Variants in COL5A2 observed in about 807,000 individuals in gnomAD.
COL5A2 encodes the protein collagen type V alpha 2 chain, also known as collagen alpha-2(V) chain.
A neutral mutation model predicts 208.2 loss-of-function variants in COL5A2; 23 were observed. The observed-to-expected ratio is 0.11, with a 90% CI of 0.08 to 0.16. The LOEUF (loss-of-function observed/expected upper bound fraction) is 0.16, where lower values mean the gene tolerates loss of function less well. COL5A2 is among the 10% of genes least tolerant of loss of function. The pLI is 1.00. For synonymous variants in COL5A2, 625 were observed against 628.5 expected, an observed-to-expected ratio of 0.99 and a Z score of 0.08; for missense variants, 1,590 against 1,956.4, an observed-to-expected ratio of 0.81 and a Z score of 3.53.
the COL5A2 span, among the ~76,000 whole-genome samples, chr2:189,264,849 T>C: frequency 6.6e-6 from 1 of 152,148 alleles, no homozygotes; most frequent in Non-Finnish European, 1.5e-5. Flanking sequence ...AAATATTGCC[T>C]AAAGAGAAAT....
the COL5A2 span, among the ~76,000 whole-genome samples, chr2:189,298,601 C>T: frequency 6.6e-6 from 1 of 152,170 alleles, no homozygotes; most frequent in East Asian, 1.9e-4. Flanking sequence ...TTATTGTATT[C>T]TCATTCATTG....
chr2:189,054,355 T>A (rs1009584189), intron 35 of COL5A2, 143 bp from the exon 36 acceptor site: 1 of 647,084 alleles, frequency 1.5e-6, no homozygotes, highest in African/African-American at 1.8e-5. Flanking sequence ...ATAAATGATA[T>A]AATCTATATA....
At chr2:189,098,648 C>T in intron 5 of COL5A2, 79 bp downstream of exon 5, 1 of 1,107,880 alleles carries the variant, frequency 9.0e-7, no homozygotes, top group Non-Finnish European at 1.4e-6. Context: ...TTTATCTTCT[C>T]ATGGATATAA....
chr2:189,057,219 C>A (rs1685917499), intron 34 of COL5A2, 101 bp downstream of exon 34: 1 of 1,019,894 alleles, frequency 9.8e-7, no homozygotes, highest in South Asian at 1.4e-5. Context: ...ACTAGTGACT[C>A]AGGATGGTAG....
chr2:189,441,060 C>G, the COL5A2 span, among the ~76,000 whole-genome samples: 91,233 of 151,946 alleles, frequency 0.6, 29,246 homozygotes, highest in Non-Finnish European at 0.71. Context: ...ACCGAGAAAA[C>G]CAGGGACGCG....
At chr2:189,334,293 G>A in the COL5A2 span, among the ~76,000 whole-genome samples, 1 of 151,754 alleles carries the variant, frequency 6.6e-6, no homozygotes, top group African/African-American at 2.4e-5. Context: ...CCAAAATATT[G>A]GAAAGAAAGT....
chr2:189,318,316 C>T, the COL5A2 span, among the ~76,000 whole-genome samples: 2 of 152,188 alleles, frequency 1.3e-5, no homozygotes, highest in Admixed American at 1.3e-4. Context: ...GTAGTGTCAA[C>T]CTATATAATG....
intron 1 of COL5A2, among the ~76,000 whole-genome samples, chr2:189,222,603 C>T (rs779706997): frequency 9.9e-5 from 15 of 152,030 alleles, no homozygotes; most frequent in East Asian, 1.9e-4. Flanking sequence ...CAGAAATGAC[C>T]GGGTAATTTC....
At chr2:189,148,009 T>C (rs1436076198) in intron 1 of COL5A2, among the ~76,000 whole-genome samples, 1 of 152,158 alleles carries the variant, frequency 6.6e-6, no homozygotes. Context: ...TCAATGATTA[T>C]CATTAAAAAG....
chr2:189,366,419 T>C, the COL5A2 span, among the ~76,000 whole-genome samples: 9 of 152,192 alleles, frequency 5.9e-5, no homozygotes, highest in Admixed American at 1.3e-4. Flanking sequence ...AAAGGTACCA[T>C]TGACATCTGG....
chr2:189,194,983 G>T (rs1688981593), intron 1 of COL5A2, among the ~76,000 whole-genome samples: 1 of 152,156 alleles, frequency 6.6e-6, no homozygotes, highest in Admixed American at 6.5e-5. Flanking sequence ...AATCAGGCAA[G>T]AAAATGAAGT....
the COL5A2 span, among the ~76,000 whole-genome samples, chr2:189,357,582 T>A: frequency 7.2e-5 from 11 of 152,064 alleles, no homozygotes; most frequent in African/African-American, 2.7e-4. Context: ...AGCTCAAGTG[T>A]TCCAGGTCAA....
At chr2:189,164,893 A>G (rs1259648729) in intron 1 of COL5A2, among the ~76,000 whole-genome samples, 3 of 152,230 alleles carry the variant, frequency 2.0e-5, no homozygotes, top group Non-Finnish European at 4.4e-5. Flanking sequence ...TCTGGACTCT[A>G]TCCACGTTGA....
At chr2:189,125,730 T>C (rs534426846) in intron 1 of COL5A2, among the ~76,000 whole-genome samples, 10 of 152,148 alleles carry the variant, frequency 6.6e-5, no homozygotes, top group Non-Finnish European at 1.5e-4. Context: ...ATGTTACAGG[T>C]AAGGTTTCCA....
At chr2:189,178,078 T>C (rs1296572142) in intron 1 of COL5A2, among the ~76,000 whole-genome samples, 4 of 152,098 alleles carry the variant, frequency 2.6e-5, no homozygotes, top group African/African-American at 4.8e-5. Context: ...TTCTATTCAA[T>C]TATTTTTGCC....
chr2:189,145,474 C>T (rs560752475), intron 1 of COL5A2, among the ~76,000 whole-genome samples: 1 of 152,192 alleles, frequency 6.6e-6, no homozygotes, highest in African/African-American at 2.4e-5. Context: ...CCCCAAATAT[C>T]TATTGAATAT....
At chr2:189,060,934 GT>G (rs925648762) in intron 30 of COL5A2, 151 bp from the exon 31 acceptor site, 19 of 639,200 alleles carry the variant, frequency 3.0e-5, no homozygotes, top group Non-Finnish European at 5.3e-5. Context: ...AAAAAATATT[GT>G]TCAGAAGCAT....
At position 189,058,467 on chromosome 2, in the gene COL5A2, T is replaced by C; in HGVS notation, c.2191A>G (p.Lys731Glu). ...EPGITGLPGE[K>E]GMAGGHGPDG... ...GGACCATGTCCTCCAGCCATTCCCT[T>C]CTCACCAGGGAGTCCAGTTATCCCA... Residue 731 changes from lysine (K) to glutamate (E), a missense_variant, in exon 33 of 54, where the codon AAG becomes GAG. Transcript: ENST00000374866. 2.5e-6 allele frequency: 4 copies of C among 1,614,058 alleles called. No homozygotes were observed. Among genetic ancestry groups the C allele is most frequent in the Non-Finnish European group, 3.4e-6 (4 of 1,179,966 alleles).
chr2:189,049,492 A>T (rs756244567), intron 43 of COL5A2, 38 bp from the exon 44 acceptor site: 1 of 1,525,000 alleles, frequency 6.6e-7, no homozygotes, highest in African/African-American at 1.4e-5. Flanking sequence ...CTTGTGAAGA[A>T]ATTGAAGAAC....
Sources: gnomAD v4.1 joint callset for allele counts (sites outside exome capture counted in the v4.1 genomes callset) on GRCh38, gnomAD v4.1.1 for gene constraint, MANE v1.5 for transcripts, NCBI Gene and HGNC (gene_info 2026-07-23, HGNC 2026-07-21) for gene names.